Variants in CPA6 observed in about 807,000 individuals in gnomAD.
The protein encoded by CPA6 is carboxypeptidase A6.
Under a neutral mutation model 63.3 loss-of-function variants are expected in CPA6, and 58 were observed. That is an observed-to-expected ratio of 0.92 (90% CI 0.74 to 1.14). The LOEUF (loss-of-function observed/expected upper bound fraction) is 1.14. Among genes scored for constraint, CPA6 ranks in the 50% most tolerant of loss-of-function variants. The pLI is 0.00. For synonymous variants in CPA6, 185 were observed against 179.0 expected, an observed-to-expected ratio of 1.03 and a Z score of -0.27; for missense variants, 565 against 526.6, an observed-to-expected ratio of 1.07 and a Z score of -0.71.
chr8:67,581,130 T>A (rs1387995068), intron 2 of CPA6, among the ~76,000 whole-genome samples: 1 of 152,298 alleles, frequency 6.6e-6, no homozygotes, highest in East Asian at 1.9e-4. Flanking sequence ...ATGTACTATG[T>A]AATATTAAGT....
Position 67,487,579 on chromosome 8 carries a change from C to T in CPA6, c.637-2790G>A, listed in dbSNP as rs562992964. Among the ~76,000 whole-genome samples the T allele has an allele frequency of 3.4e-3, 517 of 152,234 alleles. 4 individuals carry two copies. The highest frequency in any genetic ancestry group is 0.012 in the African/African-American group (487 of 41,544). On this transcript the variant is annotated intron_variant, in intron 6 of 10. Transcript: ENST00000297770. ...TTTGGTTATATACCCAGTAATGGGA[C>T]CACTGGGTCAAATGGTATTTCTAGT...
rs367831436 is a variant in CPA6, at chr8:67,582,215, G to T, written c.192+41961C>A. Reference sequence around the variant, plus strand: ...ACGTAAGGGTGGCTTTGTCTACTGAGAGCCCACCTCAGATTCATCGCACAA... The same window carrying T: ...ACGTAAGGGTGGCTTTGTCTACTGATAGCCCACCTCAGATTCATCGCACAA... On this transcript the variant is annotated intron_variant, in intron 2 of 10. Transcript: ENST00000297770. Among the ~76,000 whole-genome samples, 13 of 152,214 alleles carry T rather than the reference G, an allele frequency of 8.5e-5. No individual in the cohort carries two copies. In the South Asian group the frequency reaches 2.7e-3, roughly 32 times the overall value.
intron 8 of CPA6, among the ~76,000 whole-genome samples, chr8:67,446,425 T>C (rs866915698): frequency 3.3e-5 from 5 of 152,128 alleles, no homozygotes; most frequent in Admixed American, 2.0e-4. Context: ...ATGCCTAGCC[T>C]AATTATTTTT....
chr8:67,509,020 C>T (rs925686648), intron 5 of CPA6, among the ~76,000 whole-genome samples: 2 of 152,054 alleles, frequency 1.3e-5, no homozygotes, highest in African/African-American at 2.4e-5. Context: ...GCACAGCTTA[C>T]ATGGTGGAGC....
At chr8:67,476,104 GC>G (rs1351512821) in intron 8 of CPA6, among the ~76,000 whole-genome samples, 1 of 151,108 alleles carries the variant, frequency 6.6e-6, no homozygotes, top group African/African-American at 2.4e-5. Context: ...AACCGTTCAA[GC>G]CATTCCTGTG....
rs1816065915 is a variant in CPA6, at chr8:67,659,677, C to A, written c.117-35426G>T. Reference sequence around the variant, plus strand: ...AAAACTAATCACATTTGCAAAACTGCCCTGAGGTCCTACTCTACATTTCAA... The same window carrying A: ...AAAACTAATCACATTTGCAAAACTGACCTGAGGTCCTACTCTACATTTCAA... On this transcript the variant is annotated intron_variant, in intron 1 of 10. Coordinates refer to ENST00000297770, the MANE Select transcript of CPA6 (RefSeq NM_020361.5). 2.0e-5 allele frequency among the ~76,000 whole-genome samples: 3 copies of A among 152,180 alleles called. No homozygotes were observed. The South Asian group carries it at 6.2e-4, about 32-fold the overall frequency.
chr8:67,704,852 C>T (rs1008237397), intron 1 of CPA6, among the ~76,000 whole-genome samples: 2 of 152,094 alleles, frequency 1.3e-5, no homozygotes, highest in African/African-American at 4.8e-5. Flanking sequence ...ATCGTGTCTC[C>T]CTACCACATA....
At chr8:67,482,792 G>C (rs745828838) in intron 8 of CPA6, among the ~76,000 whole-genome samples, 38 of 152,190 alleles carry the variant, frequency 2.5e-4, no homozygotes, top group Non-Finnish European at 4.3e-4. Flanking sequence ...GCTAGTAATG[G>C]TAGAATCAGA....
At chr8:67,511,428 C>A (rs1290384491) in intron 4 of CPA6, 113 bp downstream of exon 4, 1 of 671,566 alleles carries the variant, frequency 1.5e-6, no homozygotes, top group East Asian at 2.5e-5. Context: ...ATAGTACCTT[C>A]TCTGTCTTTA....
At chr8:67,663,100 A>G (rs901997100) in intron 1 of CPA6, among the ~76,000 whole-genome samples, 3 of 152,202 alleles carry the variant, frequency 2.0e-5, no homozygotes, top group Non-Finnish European at 4.4e-5. Flanking sequence ...TTCTATGAAG[A>G]GTTCTCTATT....
In CPA6 at chr8:67,695,351, A is replaced by G. The variant is rs572415697; in HGVS notation, c.116+50663T>C. 3.9e-5 allele frequency among the ~76,000 whole-genome samples: 6 copies of G among 152,302 alleles called. No individual in the cohort carries two copies. The East Asian group carries it at 9.6e-4, about 24-fold the overall frequency. Reference sequence around the variant, plus strand: ...AGCAGAGACCAACACTGAGTCCCCAATATGGCATCATTCCCTAGGATGACC... The same window carrying G: ...AGCAGAGACCAACACTGAGTCCCCAGTATGGCATCATTCCCTAGGATGACC... On this transcript the variant is annotated intron_variant, in intron 1 of 10. Coordinates refer to ENST00000297770, the MANE Select transcript of CPA6 (RefSeq NM_020361.5).
At chr8:67,603,457 G>T (rs559533072) in intron 2 of CPA6, among the ~76,000 whole-genome samples, 3 of 152,114 alleles carry the variant, frequency 2.0e-5, no homozygotes, top group South Asian at 4.2e-4. Flanking sequence ...TTTTCTAAGT[G>T]GAATGAAGAA....
intron 1 of CPA6, among the ~76,000 whole-genome samples, chr8:67,630,690 G>A (rs1005552997): frequency 2.5e-4 from 38 of 152,242 alleles, no homozygotes; most frequent in Middle Eastern, 3.2e-3. Context: ...GCCGAGGCCG[G>A]AGCTGGCTCC....
chr8:67,511,633 T>C lies in CPA6; in HGVS notation c.340A>G (p.Lys114Glu). 3.1e-6 allele frequency: 5 copies of C among 1,607,952 alleles called. No individual in the cohort carries two copies. Among genetic ancestry groups the C allele is most frequent in the Non-Finnish European group, 4.3e-6 (5 of 1,174,542 alleles). ...QYKVLIEDLQKTLEKGSSLHT... is the reference protein window; with the variant it reads ...QYKVLIEDLQETLEKGSSLHT... The stretch of plus-strand genomic sequence containing the variant: ...AAGCTGCTTCCCTTCTCCAGTGTTT[T>C]CTGAAGATCTTCTATGAGGACCCTG... The change falls in exon 4 of 11, where the codon AAA becomes GAA. Residue 114 changes from lysine (K) to glutamate (E), a missense_variant. By Grantham distance (56) the Lys-to-Glu change is moderately conservative. Coordinates refer to ENST00000297770, the MANE Select transcript of CPA6 (RefSeq NM_020361.5).
chr8:67,643,508 G>A (rs188974742), intron 1 of CPA6, among the ~76,000 whole-genome samples: 7 of 152,000 alleles, frequency 4.6e-5, no homozygotes, highest in African/African-American at 1.4e-4. Context: ...GATTTCAGAA[G>A]TGACTATAAG....
At chr8:67,498,535 CAAAAAAAAAAAAAAAAA>C (rs397940852) in intron 6 of CPA6, among the ~76,000 whole-genome samples, 1 of 33,176 alleles carries the variant, frequency 3.0e-5, no homozygotes, top group Non-Finnish European at 1.1e-4. Context: ...GACTCCATCT[CAAAAAAAAAAAAAAAAA>C]AAAAAAAAAA....
In CPA6 at chr8:67,746,082, A is replaced by T. The variant is rs772940006; in HGVS notation, c.48T>A (p.Pro16=). 1 of 1,613,984 alleles carries T rather than the reference A, an allele frequency of 6.2e-7. No homozygotes were observed. The highest frequency in any genetic ancestry group is 8.5e-7 in the Non-Finnish European group (1 of 1,179,888). ...KRRGQAAAFL[P]LCWLFLKILQ... is the part of the protein sequence containing the mutation. ...GAATCTTCAAAAAGAGCCAGCAAAG[A>T]GGCAGGAAAGCAGCTGCCTGGCCCC... The change falls in exon 1 of 11, where the codon CCT becomes CCA. Residue 16 remains proline, a synonymous_variant. Coordinates refer to ENST00000297770, the MANE Select transcript of CPA6 (RefSeq NM_020361.5).
rs146486021 is a variant in CPA6 at position 67,449,972 on chromosome 8, C to T, written c.839-15732G>A. Among the ~76,000 whole-genome samples, 62 of 152,154 alleles carry T rather than the reference C, an allele frequency of 4.1e-4. No individual in the cohort carries two copies. The East Asian group carries it at 0.011, about 26-fold the overall frequency. ...TTGGGATTACAGGTGCACACCACCA[C>T]GCCCGGATAATTTTTGTATTTTTAG... is the stretch of plus-strand genomic sequence containing the variant. On this transcript the variant is annotated intron_variant, in intron 8 of 10. Transcript: ENST00000297770.
intron 2 of CPA6, among the ~76,000 whole-genome samples, chr8:67,540,513 C>T (rs13262388): frequency 0.3 from 45,589 of 152,124 alleles, 7,032 homozygotes; most frequent in South Asian, 0.4. Flanking sequence ...GCAGTCTGTC[C>T]CTTAGCAGAG....
Sources: gnomAD v4.1 joint callset for allele counts (sites outside exome capture counted in the v4.1 genomes callset) on GRCh38, gnomAD v4.1.1 for gene constraint, MANE v1.5 for transcripts, NCBI Gene and HGNC (gene_info 2026-07-23, HGNC 2026-07-21) for gene names.